CNTN3: variants seen among roughly 807,000 people sequenced by gnomAD.
CNTN3 encodes the protein contactin-3.
Under a neutral mutation model 119.1 loss-of-function variants are expected in CNTN3, and 60 were observed. That is an observed-to-expected ratio of 0.50 (90% CI 0.41 to 0.62). The LOEUF is 0.62. Ranked by LOEUF, CNTN3 falls within the 20% of genes least tolerant of loss-of-function variation. The probability of loss-of-function intolerance (pLI) is 0.00; values close to 1 mark genes in which losing one functional copy is unlikely to be tolerated. For missense variants in CNTN3, 1,101 were observed against 1,242.4 expected (o/e 0.89, Z 1.71); for synonymous variants, 450 against 438.7 (o/e 1.03, Z -0.32).
intron 4 of CNTN3, among the ~76,000 whole-genome samples, chr3:74,431,295 C>T (rs1226533156): frequency 6.6e-6 from 1 of 152,074 alleles, no homozygotes; most frequent in African/African-American, 2.4e-5. Context: ...CAATCTTTTT[C>T]CCCTTCCTAC....
At chr3:74,513,966 C>T (rs886701766) in intron 2 of CNTN3, among the ~76,000 whole-genome samples, 3 of 142,166 alleles carry the variant, frequency 2.1e-5, no homozygotes, top group Non-Finnish European at 3.1e-5. Flanking sequence ...ATTTTTTTGA[C>T]TTTTTTTTTT....
At position 74,614,583 on chromosome 3, in the gene CNTN3, AGCCC is replaced by A. The variant is rs1225851143; in HGVS notation, c.-277_-274del. Among the ~76,000 whole-genome samples, 1 of 146,062 alleles carries A rather than the reference AGCCC, an allele frequency of 6.8e-6. No homozygotes were observed. Among genetic ancestry groups the A allele is most frequent in the Non-Finnish European group, 1.5e-5 (1 of 65,940 alleles). ...GGTTCCCGGCCCAGTCCACGGCGCC[AGCCC>A]GCCCGCCGCTGCCACCGCCGCCGCC... is the stretch of plus-strand genomic sequence containing the variant. On this transcript the variant is annotated 5_prime_UTR_variant, in exon 1 of 23. Transcript: ENST00000263665.
chr3:74,291,922 G>A (rs527385967), intron 19 of CNTN3, among the ~76,000 whole-genome samples: 79 of 152,264 alleles, frequency 5.2e-4, no homozygotes, highest in Middle Eastern at 3.4e-3. Context: ...CCTGGGCACT[G>A]CTTTAGAAAG....
chr3:74,364,361 T>C (rs1296282317), intron 10 of CNTN3, 106 bp downstream of exon 10: 17 of 1,016,664 alleles, frequency 1.7e-5, no homozygotes, highest in Non-Finnish European at 2.4e-5. Flanking sequence ...CTGTAGATAT[T>C]ATTAGATGTA....
rs149941299 is a variant in CNTN3 at position 74,461,934 on chromosome 3, G to A, written c.358+24522C>T. On this transcript the variant is annotated intron_variant, in intron 4 of 22. Coordinates refer to ENST00000263665, the MANE Select transcript of CNTN3 (RefSeq NM_020872.3). ...GCCTCCTGATATGGTTTGGATCTGT[G>A]TCCCCACCCAAATCTCATGTTGACT... 3.4e-3 allele frequency among the ~76,000 whole-genome samples: 513 copies of A among 152,192 alleles called. 2 individuals carry two copies. The highest frequency in any genetic ancestry group is 0.012 in the African/African-American group (500 of 41,526).
At chr3:74,592,645 GA>G (rs1258903930) in intron 1 of CNTN3, among the ~76,000 whole-genome samples, 2 of 151,908 alleles carry the variant, frequency 1.3e-5, no homozygotes, top group African/African-American at 4.8e-5. Context: ...GAAGGAAAAT[GA>G]GAATAAAGTG....
chr3:74,291,048 C>A (rs186103126), intron 19 of CNTN3, among the ~76,000 whole-genome samples: 1 of 152,036 alleles, frequency 6.6e-6, no homozygotes, highest in Admixed American at 6.6e-5. Flanking sequence ...ATCCCTCCCC[C>A]CTTCCCCCAC....
At chr3:74,354,153 T>C (rs1703880666) in intron 11 of CNTN3, among the ~76,000 whole-genome samples, 1 of 152,104 alleles carries the variant, frequency 6.6e-6, no homozygotes, top group South Asian at 2.1e-4. Flanking sequence ...TTATTCATAT[T>C]TGGAAAAAAA....
intron 13 of CNTN3, among the ~76,000 whole-genome samples, chr3:74,308,088 T>C (rs1702600977): frequency 6.6e-6 from 1 of 152,172 alleles, no homozygotes; most frequent in Non-Finnish European, 1.5e-5. Context: ...GGTTGGCGTT[T>C]TCCTCTGTAA....
At position 74,350,800 on chromosome 3, in the gene CNTN3, G is replaced by T. The variant is rs1478179477; in HGVS notation, c.1364+11090C>A. On this transcript the variant is annotated intron_variant, in intron 11 of 22. Transcript: ENST00000263665. ...AAGGATGCAGATGGAGGTCATTATT[G>T]TAATTAAATTAATGTAGAAACACAA... Among the ~76,000 whole-genome samples the T allele has an allele frequency of 3.3e-5, 5 of 151,728 alleles. No individual in the cohort carries two copies. In the East Asian group the frequency reaches 9.7e-4, roughly 29 times the overall value.
chr3:74,279,987 A>G (rs949931112), intron 20 of CNTN3, among the ~76,000 whole-genome samples: 1 of 152,138 alleles, frequency 6.6e-6, no homozygotes, highest in African/African-American at 2.4e-5. Context: ...TAATAACTGT[A>G]CATTTTTATA....
intron 1 of CNTN3, among the ~76,000 whole-genome samples, chr3:74,580,082 G>A (rs77682489): frequency 0.023 from 3,439 of 152,222 alleles, 49 homozygotes; most frequent in Middle Eastern, 0.058. Context: ...ACAAACATTA[G>A]ATGACAATAA....
At chr3:74,423,329 G>A (rs922670954) in intron 5 of CNTN3, among the ~76,000 whole-genome samples, 1 of 152,212 alleles carries the variant, frequency 6.6e-6, no homozygotes, top group Non-Finnish European at 1.5e-5. Flanking sequence ...AGGAAGTTAT[G>A]GATTAAATCA....
intron 4 of CNTN3, among the ~76,000 whole-genome samples, chr3:74,458,505 C>T (rs1702309373): frequency 6.6e-6 from 1 of 152,002 alleles, no homozygotes; most frequent in African/African-American, 2.4e-5. Context: ...CAAGCCACCC[C>T]CATTTGTCTA....
chr3:74,406,391 C>T (rs563804916), intron 5 of CNTN3, among the ~76,000 whole-genome samples: 89 of 151,900 alleles, frequency 5.9e-4, no homozygotes, highest in Non-Finnish European at 1.1e-3. Flanking sequence ...AAAAATAAGA[C>T]TGAGAATAAA....
At chr3:74,552,000 G>A (rs973356953) in intron 1 of CNTN3, among the ~76,000 whole-genome samples, 7 of 151,808 alleles carry the variant, frequency 4.6e-5, no homozygotes, top group Admixed American at 2.0e-4. Context: ...CTGACCTCAG[G>A]TGATCCACCC....
chr3:74,319,203 G>A (rs138734976), intron 13 of CNTN3, among the ~76,000 whole-genome samples: 23 of 152,150 alleles, frequency 1.5e-4, no homozygotes, highest in South Asian at 1.0e-3. Context: ...AGCCGGCGTC[G>A]CCAAGTCAAT....
At chr3:74,291,124 C>A (rs1702222972) in intron 19 of CNTN3, among the ~76,000 whole-genome samples, 1 of 151,984 alleles carries the variant, frequency 6.6e-6, no homozygotes, top group Admixed American at 6.6e-5. Context: ...CGTTCAGTTC[C>A]CACCTGTGAG....
At chr3:74,449,478 C>T (rs1163463970) in intron 4 of CNTN3, among the ~76,000 whole-genome samples, 1 of 152,012 alleles carries the variant, frequency 6.6e-6, no homozygotes, top group East Asian at 1.9e-4. Context: ...AGCTGGGAAA[C>T]ATGTTTCAAG....
Sources: gnomAD v4.1 joint callset for allele counts (sites outside exome capture counted in the v4.1 genomes callset) on GRCh38, gnomAD v4.1.1 for gene constraint, MANE v1.5 for transcripts, NCBI Gene and HGNC (gene_info 2026-07-23, HGNC 2026-07-21) for gene names.